PRP4K: variants seen among roughly 807,000 people sequenced by gnomAD.
The protein encoded by PRP4K is serine/threonine-protein kinase PRP4 homolog.
the PRP4K span, among the ~76,000 whole-genome samples, chr6:4,022,956 G>A: frequency 1.3e-5 from 2 of 152,152 alleles, no homozygotes; most frequent in Non-Finnish European, 2.9e-5. Flanking sequence ...TTCACATACT[G>A]TATTCAAATA....
At chr6:4,046,977 A>G in the PRP4K span, among the ~76,000 whole-genome samples, 1 of 152,194 alleles carries the variant, frequency 6.6e-6, no homozygotes, top group Non-Finnish European at 1.5e-5. Context: ...GCTTTCTGAA[A>G]TGCACTCTGT....
At chr6:4,057,068 A>C in the PRP4K span, 2 of 1,605,010 alleles carry the variant, frequency 1.2e-6, no homozygotes, top group South Asian at 2.2e-5. Flanking sequence ...TGGTATAGAT[A>C]TGTGGTCTGT....
chr6:4,057,803 G>GA, the PRP4K span, among the ~76,000 whole-genome samples: 1 of 143,532 alleles, frequency 7.0e-6, no homozygotes, highest in African/African-American at 2.6e-5. Context: ...CGCCCAGGCT[G>GA]CAGTGCAGTG....
the PRP4K span, chr6:4,061,428 T>TG: frequency 6.6e-6 from 1 of 152,664 alleles, no homozygotes; most frequent in Non-Finnish European, 1.5e-5. Flanking sequence ...TTATATACAT[T>TG]TTGTTAAATA....
At chr6:4,043,922 G>A in the PRP4K span, 7 of 1,614,052 alleles carry the variant, frequency 4.3e-6, no homozygotes, top group African/African-American at 2.7e-5. Flanking sequence ...ATTCTGGAGC[G>A]AGTAGCTGCT....
the PRP4K span, chr6:4,061,415 A>G: frequency 6.6e-6 from 1 of 152,584 alleles, no homozygotes; most frequent in Admixed American, 6.5e-5. Flanking sequence ...CTTGCTATAG[A>G]CTTTATATAC....
At chr6:4,051,953 T>G in the PRP4K span, 4,919 of 1,529,280 alleles carry the variant, frequency 3.2e-3, 13 homozygotes, top group Non-Finnish European at 3.9e-3. Flanking sequence ...TTTTTTTATT[T>G]TAGGCAAAAG....
the PRP4K span, chr6:4,051,875 A>G: frequency 1.1e-6 from 1 of 903,548 alleles, no homozygotes; most frequent in East Asian, 2.7e-5. Flanking sequence ...TGATCGTCAT[A>G]CTGGGGCTAG....
chr6:4,056,164 G>A, the PRP4K span, among the ~76,000 whole-genome samples: 2 of 152,070 alleles, frequency 1.3e-5, no homozygotes, highest in African/African-American at 4.8e-5. Flanking sequence ...TCATAGTTAG[G>A]AAATTGAATT....
chr6:4,037,692 A>G, the PRP4K span: 8 of 922,726 alleles, frequency 8.7e-6, no homozygotes, highest in African/African-American at 1.7e-5. Context: ...GTGTTCCCAT[A>G]GTTTCCTTTT....
chr6:4,047,901 TACACACACACACACACAC>T, the PRP4K span, among the ~76,000 whole-genome samples: 24 of 142,008 alleles, frequency 1.7e-4, no homozygotes, highest in African/African-American at 4.5e-4. Context: ...CATGTATATG[TACACACACACACACACAC>T]ACACACACAC....
the PRP4K span, chr6:4,043,663 GCA>G: frequency 0.012 from 9,469 of 759,678 alleles, 652 homozygotes; most frequent in African/African-American, 0.15. Flanking sequence ...ATAAGGGATT[GCA>G]GATTTGATTG....
the PRP4K span, among the ~76,000 whole-genome samples, chr6:4,022,461 T>TTG: frequency 5.3e-5 from 8 of 150,574 alleles, no homozygotes; most frequent in Admixed American, 1.3e-4. Flanking sequence ...CCGTTTTTTT[T>TTG]TTTTGTTTTG....
the PRP4K span, chr6:4,021,426 A>G: frequency 4.4e-6 from 7 of 1,583,616 alleles, no homozygotes; most frequent in Non-Finnish European, 5.1e-6. Context: ...GAAGTTCAAG[A>G]TGGCCGCCGC....
chr6:4,031,981 G>T, the PRP4K span: 3 of 1,613,960 alleles, frequency 1.9e-6, no homozygotes. Flanking sequence ...GAAAAGGCAA[G>T]AAATGGAAAT....
the PRP4K span, chr6:4,032,147 G>C: frequency 6.2e-7 from 1 of 1,613,470 alleles, no homozygotes; most frequent in Admixed American, 1.7e-5. Context: ...TCGTTAAAGA[G>C]AAAACAACTA....
chr6:4,030,891 T>G, the PRP4K span, among the ~76,000 whole-genome samples: 10 of 152,334 alleles, frequency 6.6e-5, no homozygotes, highest in African/African-American at 2.4e-4. Flanking sequence ...AAGATTCAAC[T>G]TGTGAGGATG....
At chr6:4,035,951 G>A in the PRP4K span, among the ~76,000 whole-genome samples, 1 of 151,858 alleles carries the variant, frequency 6.6e-6, no homozygotes, top group African/African-American at 2.4e-5. Context: ...TGCAACAAGA[G>A]CAAAACTCCA....
chr6:4,022,497 C>G, the PRP4K span, among the ~76,000 whole-genome samples: 1 of 149,504 alleles, frequency 6.7e-6, no homozygotes, highest in Admixed American at 6.7e-5. Flanking sequence ...TGCATCTGCA[C>G]TGTCTGATCT....
Sources: allele counts gnomAD v4.1 joint callset (sites outside exome capture counted in the v4.1 genomes callset), GRCh38; gene constraint gnomAD v4.1.1; transcripts MANE v1.5; gene names NCBI Gene and HGNC (gene_info 2026-07-23, HGNC 2026-07-21).